The following DYNC1H1 variants were observed in gnomAD, a reference collection of about 807,000 sequenced individuals.
DYNC1H1 encodes the protein cytoplasmic dynein 1 heavy chain 1.
In DYNC1H1, 51 loss-of-function variants were observed where a neutral mutation model predicts 527.1. The ratio of observed to expected loss-of-function variants is 0.10; its 90% confidence interval spans 0.08 to 0.12. DYNC1H1 has a LOEUF of 0.12. Among genes scored for constraint, DYNC1H1 ranks in the 10% least tolerant of loss-of-function variants. The pLI is 1.00. For missense variants in DYNC1H1, 2,771 were observed against 5,971.8 expected, an observed-to-expected ratio of 0.46 and a Z score of 17.66; for synonymous variants, 2,189 against 2,278.8, an observed-to-expected ratio of 0.96 and a Z score of 1.12.
chr14:101,991,691 C>G lies in DYNC1H1; in HGVS notation c.3015+18C>G, dbSNP rs2749894. On this transcript the variant is annotated intron_variant, in intron 11 of 77. Coordinates refer to ENST00000360184, the MANE Select transcript of DYNC1H1 (RefSeq NM_001376.5). ...GGTACCAGGTAAGCCTTTGGTGACTCGAGGCACACGCCTCTGACCAGGACT... is the reference window on the plus strand; with the variant it reads ...GGTACCAGGTAAGCCTTTGGTGACTGGAGGCACACGCCTCTGACCAGGACT... The G allele has an allele frequency of 3.0e-4, 482 of 1,613,908 alleles. No homozygotes were observed. The African/African-American group carries it at 5.4e-3, about 18-fold the overall frequency.
At chr14:102,022,548 A>G (rs558108446) in intron 42 of DYNC1H1, among the ~76,000 whole-genome samples, 28 of 152,150 alleles carry the variant, frequency 1.8e-4, no homozygotes, top group Admixed American at 5.2e-4. Context: ...AAGTAAGTAA[A>G]TAAATAAATA....
At chr14:102,026,756 G>C in intron 44 of DYNC1H1, 49 bp downstream of exon 44, 1 of 1,600,724 alleles carries the variant, frequency 6.2e-7, no homozygotes, top group Non-Finnish European at 8.5e-7. Flanking sequence ...AGCTGCTCTT[G>C]AGTAAGTGTG....
Position 101,999,636 on chromosome 14 carries a change from G to A in DYNC1H1, c.3805-353G>A, listed in dbSNP as rs183401215. 7.2e-5 allele frequency among the ~76,000 whole-genome samples: 11 copies of A among 152,318 alleles called. No homozygotes were observed. In the East Asian group the frequency reaches 2.1e-3, roughly 29 times the overall value. On this transcript the variant is annotated intron_variant, in intron 16 of 77. Transcript: ENST00000360184. Reference sequence around the variant, plus strand: ...AACAACTGTGTTCTCTGGGGAAGTTGTGGCTGGCAGGCCCCGGAGGTTTGT... The same window carrying A: ...AACAACTGTGTTCTCTGGGGAAGTTATGGCTGGCAGGCCCCGGAGGTTTGT...
chr14:102,044,450 G>A lies in DYNC1H1; in HGVS notation c.12861G>A (p.Lys4287=). ...SFDSEFKLAC[K]VDGHKDIQMP... ...ACAGTGAGTTTAAGCTGGCATGCAA[G>A]GTCGACGGACATAAAGACATTCAAA... The change falls in exon 71 of 78, where the codon AAG becomes AAA. Residue 4287 remains lysine, a synonymous_variant. Transcript: ENST00000360184. The surrounding 1 kb of genome is among the most constrained non-coding windows in gnomAD (Gnocchi z 7.1). 5 of 1,614,236 alleles carry A rather than the reference G, an allele frequency of 3.1e-6. No individual in the cohort carries two copies. The highest frequency in any genetic ancestry group is 3.4e-6 in the Non-Finnish European group (4 of 1,180,050).
chr14:102,043,197 C>T (rs527551859), intron 69 of DYNC1H1: 63 of 288,234 alleles, frequency 2.2e-4, no homozygotes, highest in African/African-American at 1.3e-3. Flanking sequence ...GCAGGAGAAT[C>T]GCTTGAACCC....
chr14:102,009,618 A>G, intron 29 of DYNC1H1: 1 of 583,680 alleles, frequency 1.7e-6, no homozygotes, highest in Non-Finnish European at 3.0e-6. Context: ...TGGTGGCTTG[A>G]CCTGGGACAC....
In DYNC1H1 at chr14:102,017,672, A is replaced by C; in HGVS notation, c.8177+168A>C. The C allele has an allele frequency of 7.5e-7, 1 of 1,334,908 alleles. No individual in the cohort carries two copies. Among genetic ancestry groups the C allele is most frequent in the South Asian group, 1.3e-5 (1 of 79,672 alleles). 82.7% of individuals were successfully genotyped at this position (1,334,908 alleles called of 1,614,324 possible). On this transcript the variant is annotated intron_variant, in intron 40 of 77. Transcript: ENST00000360184. This position sits in a 1 kb window ranked among gnomAD's most constrained non-coding sequence, Gnocchi z 4.6. ...CTGTAATGCCAGGAAAACATGTTAA[A>C]AATAAAAGCATTGGCCGGGCGCAGT...
Position 102,049,634 on chromosome 14 carries a change from G to T in DYNC1H1, c.13515+52G>T. The T allele has an allele frequency of 2.5e-6, 4 of 1,613,282 alleles. No homozygotes were observed. The highest frequency in any genetic ancestry group is 3.4e-6 in the Non-Finnish European group (4 of 1,180,040). On this transcript the variant is annotated intron_variant, in intron 75 of 77. Transcript: ENST00000360184. The surrounding 1 kb of genome is among the most constrained non-coding windows in gnomAD (Gnocchi z 5.5). Reference sequence around the variant, plus strand: ...GTGGTCAGCAGCTGTCCTGGGCTGGGGTGGGAGTGGCTCTGGGGAAAAACA... The same window carrying T: ...GTGGTCAGCAGCTGTCCTGGGCTGGTGTGGGAGTGGCTCTGGGGAAAAACA...
At position 102,049,171 on chromosome 14, in the gene DYNC1H1, G is replaced by A. The variant is rs1251021852; in HGVS notation, c.13373-269G>A. Reference sequence around the variant, plus strand: ...GTTTTAGCCGCGGTTTTGCTTGGATGTGATTATGGTCCTCCAGAAAGACAC... The same window carrying A: ...GTTTTAGCCGCGGTTTTGCTTGGATATGATTATGGTCCTCCAGAAAGACAC... On this transcript the variant is annotated intron_variant, in intron 74 of 77. Coordinates refer to ENST00000360184, the MANE Select transcript of DYNC1H1 (RefSeq NM_001376.5). This position sits in a 1 kb window ranked among gnomAD's most constrained non-coding sequence, Gnocchi z 5.5. The A allele has an allele frequency of 3.7e-6, 2 of 537,386 alleles. No individual in the cohort carries two copies. The highest frequency in any genetic ancestry group is 2.0e-5 in the South Asian group (1 of 49,966). 33.3% of individuals were successfully genotyped at this position (537,386 alleles called of 1,614,324 possible).
At chr14:101,970,259 C>T (rs1258048410) in intron 1 of DYNC1H1, among the ~76,000 whole-genome samples, 2 of 151,838 alleles carry the variant, frequency 1.3e-5, no homozygotes, top group Admixed American at 6.6e-5. Context: ...ACTTTCTCAC[C>T]GTGTTCTGAG....
chr14:102,037,001 G>A lies in DYNC1H1; in HGVS notation c.10908+359G>A, dbSNP rs887531289. 3.8e-5 allele frequency: 13 copies of A among 340,170 alleles called. No homozygotes were observed. In the Admixed American group the frequency reaches 4.4e-4, roughly 12 times the overall value. The allele number at this position is 340,170 out of a possible 1,614,324, so 21.1% of individuals were successfully genotyped here. A position where few individuals can be genotyped will look rare whatever the true frequency, so the allele number is the denominator to read the frequency against. On this transcript the variant is annotated intron_variant, in intron 57 of 77. Transcript: ENST00000360184. ...AGTCCCAGCTACTCGGGAGGCTGAG[G>A]CAGGAGAATCACTTGAACCCGGGAG...
Position 102,026,691 on chromosome 14 carries a change from G to T in DYNC1H1, c.8755G>T (p.Val2919Leu). Residue 2919 changes from valine to leucine, a missense_variant, in exon 44 of 78, where the codon GTG (valine) becomes TTG (leucine). Coordinates refer to ENST00000360184, the MANE Select transcript of DYNC1H1 (RefSeq NM_001376.5). ...GCTGTTTAATGAAGTCCTAGACCAC[G>T]TGCTGAGGATTGACAGGTGGGCTTT... is the stretch of plus-strand genomic sequence containing the variant. Reference protein sequence around the residue: ...LVLFNEVLDHVLRIDRIFRQP... With the variant: ...LVLFNEVLDHLLRIDRIFRQP... The T allele has an allele frequency of 6.2e-7, 1 of 1,614,066 alleles. No homozygotes were observed. Among genetic ancestry groups the T allele is most frequent in the Non-Finnish European group, 8.5e-7 (1 of 1,180,010 alleles).
At position 101,994,723 on chromosome 14, in the gene DYNC1H1, T is replaced by C; in HGVS notation, c.3207T>C (p.Tyr1069=). ...GGGATATGCAAGCTGAAAACATCTA[T>C]AACAGACTTGGAGAAGATCTCAACA... ...CLWDMQAENI[Y]NRLGEDLNKW... Residue 1069 remains tyrosine (Y), a synonymous_variant, in exon 13 of 78, where the codon TAT becomes TAC. Coordinates refer to ENST00000360184, the MANE Select transcript of DYNC1H1 (RefSeq NM_001376.5). 6.2e-7 allele frequency: 1 copy of C among 1,614,244 alleles called. No homozygotes were observed. Among genetic ancestry groups the C allele is most frequent in the Non-Finnish European group, 8.5e-7 (1 of 1,180,034 alleles).
chr14:102,017,362 G>T lies in DYNC1H1; in HGVS notation c.8056-21G>T. On this transcript the variant is annotated intron_variant, in intron 39 of 77. Coordinates refer to ENST00000360184, the MANE Select transcript of DYNC1H1 (RefSeq NM_001376.5). The surrounding 1 kb of genome is among the most constrained non-coding windows in gnomAD (Gnocchi z 4.6). ...CTTGTTCAAGTTTTGCTCTTAATGT[G>T]GTACCTGTCCCTTCCTTCAGATGGT... 6.2e-6 allele frequency: 10 copies of T among 1,614,182 alleles called. No individual in the cohort carries two copies. Among genetic ancestry groups the T allele is most frequent in the Non-Finnish European group, 8.5e-6 (10 of 1,180,040 alleles).
In DYNC1H1 at chr14:101,988,714, A is replaced by G; in HGVS notation, c.2730A>G (p.Ile910Met). 1 of 1,614,182 alleles carries G rather than the reference A, an allele frequency of 6.2e-7. No individual in the cohort carries two copies. Among genetic ancestry groups the G allele is most frequent in the Non-Finnish European group, 8.5e-7 (1 of 1,180,038 alleles). Reference sequence around the variant, plus strand: ...AACGTTGTCTGTAGATTGAAAGAATATTGGGCGTCCGTCTGCAAGCTGGCC... The same window carrying G: ...AACGTTGTCTGTAGATTGAAAGAATGTTGGGCGTCCGTCTGCAAGCTGGCC... The part of the protein sequence containing the change: ...VNKLDMEIER[I>M]LGVRLQAGLR... Residue 910 changes from isoleucine to methionine, a missense_variant, in exon 10 of 78, where the codon ATA (isoleucine) becomes ATG (methionine). This residue lies in a region of DYNC1H1 where 179 missense variants were observed against 349.4 expected (regional missense o/e 0.51). Coordinates refer to ENST00000360184, the MANE Select transcript of DYNC1H1 (RefSeq NM_001376.5).
In DYNC1H1 at chr14:102,027,277, T is replaced by C; in HGVS notation, c.8875T>C (p.Tyr2959His). The C allele has an allele frequency of 6.2e-7, 1 of 1,614,136 alleles. No homozygotes were observed. ...CGCCTGGATGAACGGTTTGAGTGTGTACCAGATTAAGGTGCGTCTGGTCGG... is the reference window on the plus strand; with the variant it reads ...CGCCTGGATGAACGGTTTGAGTGTGCACCAGATTAAGGTGCGTCTGGTCGG... ...FVAWMNGLSV[Y>H]QIKVHRKYTG... The change falls in exon 45 of 78, where the codon TAC becomes CAC. Residue 2959 changes from tyrosine to histidine, a missense_variant. Tyr to His is a moderately conservative substitution (Grantham distance 83). This residue lies in a region of DYNC1H1 where 84 missense variants were observed against 285.4 expected (regional missense o/e 0.29). Coordinates refer to ENST00000360184, the MANE Select transcript of DYNC1H1 (RefSeq NM_001376.5). This position sits in a 1 kb window ranked among gnomAD's most constrained non-coding sequence, Gnocchi z 7.7.
At position 102,044,303 on chromosome 14, in the gene DYNC1H1, C is replaced by T. The variant is rs1200819052; in HGVS notation, c.12714C>T (p.Ile4238=). 3 of 1,614,172 alleles carry T rather than the reference C, an allele frequency of 1.9e-6. No homozygotes were observed. The South Asian group carries it at 3.3e-5, about 18-fold the overall frequency. ...KGRQNISPDK[I]PWSALKTLMA... ...GGCAGAACATCTCACCGGATAAGAT[C>T]CCGTGGTCTGCACTAAAGACCTTAA... Residue 4238 remains isoleucine, a synonymous_variant, in exon 71 of 78, where the codon ATC becomes ATT. Transcript: ENST00000360184. This position sits in a 1 kb window ranked among gnomAD's most constrained non-coding sequence, Gnocchi z 7.1.
chr14:101,971,692 C>T (rs2047740957), intron 1 of DYNC1H1, among the ~76,000 whole-genome samples: 2 of 152,142 alleles, frequency 1.3e-5, no homozygotes, highest in African/African-American at 4.8e-5. Flanking sequence ...CACCACTGCA[C>T]TCCAGCCTGG....
At position 102,010,595 on chromosome 14, in the gene DYNC1H1, C is replaced by G. The variant is rs2048247023; in HGVS notation, c.6405+136C>G. The G allele has an allele frequency of 6.7e-7, 1 of 1,492,814 alleles. No homozygotes were observed. Among genetic ancestry groups the G allele is most frequent in the South Asian group, 1.2e-5 (1 of 83,830 alleles). The allele number at this position is 1,492,814 out of a possible 1,614,324, so 92.5% of individuals were successfully genotyped here. ...TGGCTGAAATAGACTGTAATGTTGA[C>G]CCAGTGAGTCGAGTGCACGAATGTG... On this transcript the variant is annotated intron_variant, in intron 31 of 77. Coordinates refer to ENST00000360184, the MANE Select transcript of DYNC1H1 (RefSeq NM_001376.5). The surrounding 1 kb of genome is among the most constrained non-coding windows in gnomAD (Gnocchi z 6.0).
Sources: gnomAD v4.1 joint callset for allele counts (sites outside exome capture counted in the v4.1 genomes callset) on GRCh38, gnomAD v4.1.1 for gene constraint, gnomAD v4.1.1 regional missense constraint, Gnocchi (gnomAD v3.1) non-coding constraint, MANE v1.5 for transcripts, NCBI Gene and HGNC (gene_info 2026-07-23, HGNC 2026-07-21) for gene names.